Variants in TULP4 observed in about 807,000 individuals in gnomAD.
The protein encoded by TULP4 is tubby-related protein 4.
Under a neutral mutation model 129.0 loss-of-function variants are expected in TULP4, and 16 were observed. The ratio of observed to expected loss-of-function variants is 0.12; its 90% CI spans 0.08 to 0.19. The LOEUF is 0.19. Among genes scored for constraint, TULP4 ranks in the 10% least tolerant of loss-of-function variants. The pLI is 1.00. For missense variants in TULP4, 1,842 were observed against 2,059.1 expected, an observed-to-expected ratio of 0.89 and a Z score of 2.04; for synonymous variants, 998 against 854.0, an observed-to-expected ratio of 1.17 and a Z score of -2.94.
At chr6:158,349,832 G>A (rs368488750) in intron 1 of TULP4, among the ~76,000 whole-genome samples, 17,883 of 116,360 alleles carry the variant, frequency 0.15, 1,489 homozygotes, top group Non-Finnish European at 0.21. Flanking sequence ...CAGATGGGGC[G>A]GCCGGGCAGA....
At chr6:158,249,357 T>A (rs958170078) in intron 1 of TULP4, among the ~76,000 whole-genome samples, 8 of 152,192 alleles carry the variant, frequency 5.3e-5, no homozygotes, top group African/African-American at 1.9e-4. Flanking sequence ...ACAATAACTC[T>A]TAATAAAAGA....
At chr6:158,286,588 G>A (rs558244810) in intron 1 of TULP4, among the ~76,000 whole-genome samples, 1 of 152,288 alleles carries the variant, frequency 6.6e-6, no homozygotes, top group African/African-American at 2.4e-5. Context: ...TGTATTCCTA[G>A]TAAATTTCAG....
intron 3 of TULP4, among the ~76,000 whole-genome samples, chr6:158,437,617 A>T (rs558563036): frequency 6.6e-6 from 1 of 152,298 alleles, no homozygotes; most frequent in South Asian, 2.1e-4. Flanking sequence ...CTTTTCAGAG[A>T]TATTAAGGGA....
intron 1 of TULP4, among the ~76,000 whole-genome samples, chr6:158,381,457 A>G (rs1777323850): frequency 6.6e-6 from 1 of 152,252 alleles, no homozygotes; most frequent in South Asian, 2.1e-4. Context: ...GACAGATTTT[A>G]TAGCCAAATG....
At chr6:158,438,369 G>A (rs554022043) in intron 3 of TULP4, among the ~76,000 whole-genome samples, 4 of 152,240 alleles carry the variant, frequency 2.6e-5, no homozygotes, top group South Asian at 4.1e-4. Context: ...TACTTGGAGG[G>A]AGGTTCTTGT....
At chr6:158,351,489 G>A (rs1185211029) in intron 1 of TULP4, among the ~76,000 whole-genome samples, 1 of 152,088 alleles carries the variant, frequency 6.6e-6, no homozygotes, top group African/African-American at 2.4e-5. Context: ...TGTATTGCCT[G>A]TTTACAAGTG....
In TULP4 at chr6:158,368,066, CAAAAAAAA is replaced by C. The variant is rs3085241; in HGVS notation, c.253-44984_253-44977del. Among the ~76,000 whole-genome samples, 367 of 65,028 alleles carry C rather than the reference CAAAAAAAA, an allele frequency of 5.6e-3. 2 individuals are homozygous for C. Among genetic ancestry groups the C allele is most frequent in the African/African-American group, 0.02 (352 of 17,258 alleles). 42.7% of individuals were successfully genotyped at this position (65,028 alleles called of 152,430 possible). Reference sequence around the variant, plus strand: ...ACTCCAGCCTGGGTGACCCTGTCTCCAAAAAAAAAAAAAAAAAAAAAAGGAGCTTCCTG... The same window carrying C: ...ACTCCAGCCTGGGTGACCCTGTCTCCAAAAAAAAAAAAAAGGAGCTTCCTG... On this transcript the variant is annotated intron_variant, in intron 1 of 13. Transcript: ENST00000367097.
chr6:158,302,565 G>A lies in TULP4; in HGVS notation n.117-9486G>A, dbSNP rs534961108. ...CTGTTTAGCAACCAATTGAGTTAAAGCCTCCAGTTTTTCTTGAGAGAGCGG... is the reference window on the plus strand; with the variant it reads ...CTGTTTAGCAACCAATTGAGTTAAAACCTCCAGTTTTTCTTGAGAGAGCGG... On this transcript the variant is annotated intron_variant and non_coding_transcript_variant, in intron 1 of 1. Transcript: ENST00000432358. 8.8e-4 allele frequency among the ~76,000 whole-genome samples: 134 copies of A among 152,276 alleles called. 1 individual carries two copies. Among genetic ancestry groups the A allele is most frequent in the African/African-American group, 3.0e-3 (125 of 41,544 alleles).
chr6:158,309,514 C>A (rs1224628326), upstream of TULP4, among the ~76,000 whole-genome samples: 2 of 151,986 alleles, frequency 1.3e-5, no homozygotes, highest in African/African-American at 2.4e-5. Context: ...GCTGCACTCT[C>A]GGCGCTTTGG....
chr6:158,505,976 T>C (rs1359035519), intron 13 of TULP4, among the ~76,000 whole-genome samples: 1 of 152,056 alleles, frequency 6.6e-6, no homozygotes, highest in Admixed American at 6.5e-5. Context: ...CATTGGATGT[T>C]GTACCCCACA....
intron 1 of TULP4, among the ~76,000 whole-genome samples, chr6:158,383,542 T>C (rs1336060480): frequency 6.6e-6 from 1 of 152,226 alleles, no homozygotes; most frequent in Non-Finnish European, 1.5e-5. Context: ...ATGAACCTTA[T>C]AAAGGGAATA....
At chr6:158,366,117 A>T (rs902884638) in intron 1 of TULP4, among the ~76,000 whole-genome samples, 1 of 151,002 alleles carries the variant, frequency 6.6e-6, no homozygotes, top group South Asian at 2.1e-4. Flanking sequence ...GTTAGCCAGG[A>T]TGGTCTCGAT....
At chr6:158,340,776 A>G (rs1448721404) in intron 1 of TULP4, among the ~76,000 whole-genome samples, 1 of 152,210 alleles carries the variant, frequency 6.6e-6, no homozygotes, top group Non-Finnish European at 1.5e-5. Flanking sequence ...CTTGCTGGGC[A>G]TATAACTTAC....
At chr6:158,436,091 A>G (rs1583873363) in intron 3 of TULP4, among the ~76,000 whole-genome samples, 1 of 151,844 alleles carries the variant, frequency 6.6e-6, no homozygotes, top group Admixed American at 6.6e-5. Context: ...TAATTTTCGT[A>G]TTTTTAGTAA....
intron 6 of TULP4, among the ~76,000 whole-genome samples, chr6:158,471,833 G>C (rs957309664): frequency 1.3e-5 from 2 of 152,162 alleles, no homozygotes; most frequent in African/African-American, 4.8e-5. Context: ...TGTCAACATA[G>C]GCTTTCTTTC....
rs1465090882 is a variant in TULP4 at position 158,479,831 on chromosome 6, T to C, written c.1107T>C (p.Arg369=). The C allele has an allele frequency of 1.2e-6, 2 of 1,614,020 alleles. No homozygotes were observed. The highest frequency in any genetic ancestry group is 1.7e-6 in the Non-Finnish European group (2 of 1,180,036). The change falls in exon 7 of 14, where the codon CGT becomes CGC. Residue 369 remains arginine (R), a synonymous_variant. Transcript: ENST00000367097. ...MASGPALYVV[R]VEHRVSSLQL... is the part of the protein sequence containing the mutation. ...CAGGACCAGCCCTGTACGTGGTGCG[T>C]GTGGAGCACCGGGTGTCCAGCCTGC...
intron 11 of TULP4, 74 bp from the exon 12 acceptor site, chr6:158,498,595 C>G: frequency 6.3e-7 from 1 of 1,585,754 alleles, no homozygotes; most frequent in Non-Finnish European, 8.6e-7. Context: ...CGCTCTTCTT[C>G]CTGTGACTCT....
Position 158,502,505 on chromosome 6 carries a change from G to GTCCCTCGCTACTCCA in TULP4, c.2847_2861dup (p.Arg950_Pro954dup). The GTCCCTCGCTACTCCA allele has an allele frequency of 6.2e-7, 1 of 1,612,538 alleles. No homozygotes were observed. Among genetic ancestry groups the GTCCCTCGCTACTCCA allele is most frequent in the Non-Finnish European group, 8.5e-7 (1 of 1,179,876 alleles). On this transcript the variant is annotated inframe_insertion, in exon 13 of 14. Coordinates refer to ENST00000367097, the MANE Select transcript of TULP4 (RefSeq NM_020245.5). ...CAGTGCCACCCTGAACCGCCTGACC[G>GTCCCTCGCTACTCCA]TCCCTCGCTACTCCATCCCCACCGG...
chr6:158,352,999 A>G (rs1481092759), intron 1 of TULP4, among the ~76,000 whole-genome samples: 1 of 152,144 alleles, frequency 6.6e-6, no homozygotes, highest in African/African-American at 2.4e-5. Flanking sequence ...TTTTACAATC[A>G]TTTTTTATTC....
Sources: gnomAD v4.1 joint callset for allele counts (sites outside exome capture counted in the v4.1 genomes callset) on GRCh38, gnomAD v4.1.1 for gene constraint, MANE v1.5 for transcripts, NCBI Gene and HGNC (gene_info 2026-07-23, HGNC 2026-07-21) for gene names.